SLC22A23: variants seen among roughly 807,000 people sequenced by gnomAD.
The protein encoded by SLC22A23 is ion transporter protein.
Under a neutral mutation model 61.0 loss-of-function variants are expected in SLC22A23, and 26 were observed. That is an observed-to-expected ratio of 0.43 (90% CI 0.31 to 0.59). SLC22A23 has a LOEUF of 0.59. SLC22A23 is among the 20% of genes least tolerant of loss of function. The probability of loss-of-function intolerance (pLI) is 0.11; values close to 1 mark genes in which losing one functional copy is unlikely to be tolerated. For missense variants in SLC22A23, 796 were observed against 934.7 expected, an observed-to-expected ratio of 0.85 and a Z score of 1.94; for synonymous variants, 430 against 413.9, an observed-to-expected ratio of 1.04 and a Z score of -0.47.
In SLC22A23 at chr6:3,312,797, C is replaced by G. The variant is rs549261969; in HGVS notation, c.1082+11037G>C. The G allele has an allele frequency of 7.2e-5, 11 of 152,502 alleles. No individual in the cohort carries two copies. In the East Asian group the frequency reaches 2.1e-3, roughly 29 times the overall value. 9.4% of individuals were successfully genotyped at this position (152,502 alleles called of 1,614,324 possible). On this transcript the variant is annotated intron_variant, in intron 4 of 9. Coordinates refer to ENST00000406686, the MANE Select transcript of SLC22A23 (RefSeq NM_015482.2). ...TCACTTGGTCTCTGTCGGTTGCCAACAGCCCAGCCCACCACCCCACAAAGT... is the reference window on the plus strand; with the variant it reads ...TCACTTGGTCTCTGTCGGTTGCCAAGAGCCCAGCCCACCACCCCACAAAGT...
intron 3 of SLC22A23, among the ~76,000 whole-genome samples, chr6:3,345,844 C>T (rs1374712476): frequency 2.6e-5 from 4 of 152,202 alleles, no homozygotes; most frequent in Non-Finnish European, 5.9e-5. Context: ...AACTGGCCTA[C>T]CTGCTGCTAA....
chr6:3,426,233 G>A, intron 1 of SLC22A23, among the ~76,000 whole-genome samples: 1 of 152,192 alleles, frequency 6.6e-6, no homozygotes, highest in East Asian at 1.9e-4. Context: ...GAGGTGAAGT[G>A]ACTCATTCAG....
In SLC22A23 at chr6:3,309,901, A is replaced by G. The variant is rs964296842; in HGVS notation, c.1083-11683T>C. Among the ~76,000 whole-genome samples, 2 of 152,160 alleles carry G rather than the reference A, an allele frequency of 1.3e-5. No homozygotes were observed. Among genetic ancestry groups the G allele is most frequent in the Admixed American group, 6.5e-5 (1 of 15,282 alleles). On this transcript the variant is annotated intron_variant, in intron 4 of 9. Coordinates refer to ENST00000406686, the MANE Select transcript of SLC22A23 (RefSeq NM_015482.2). This position sits in a 1 kb window ranked among gnomAD's most constrained non-coding sequence, Gnocchi z 4.7. Reference sequence around the variant, plus strand: ...TAATACCCTGCCTGGGGCTTCATGAATGGCAGAGGCAGGCCTGGAACCTGG... The same window carrying G: ...TAATACCCTGCCTGGGGCTTCATGAGTGGCAGAGGCAGGCCTGGAACCTGG...
At chr6:3,315,463 A>G (rs1762583783) in intron 4 of SLC22A23, among the ~76,000 whole-genome samples, 1 of 152,196 alleles carries the variant, frequency 6.6e-6, no homozygotes, top group African/African-American at 2.4e-5. Flanking sequence ...TGGTCAAGCT[A>G]TCTGTTCACA....
intron 3 of SLC22A23, among the ~76,000 whole-genome samples, chr6:3,358,638 G>A (rs1183189148): frequency 3.9e-5 from 6 of 152,136 alleles, no homozygotes; most frequent in African/African-American, 1.2e-4. Flanking sequence ...AATAAGCTCT[G>A]GAACTCTGCT....
In SLC22A23 at chr6:3,387,631, G is replaced by A. The variant is rs920483520; in HGVS notation, c.913+22557C>T. On this transcript the variant is annotated intron_variant, in intron 3 of 9. Transcript: ENST00000406686. This position sits in a 1 kb window ranked among gnomAD's most constrained non-coding sequence, Gnocchi z 5.0. Reference sequence around the variant, plus strand: ...CGTGGTTATGTGAGTTCACGTTAGCGGAAGGCGGGTGAGTGAAGGGCTTAC... The same window carrying A: ...CGTGGTTATGTGAGTTCACGTTAGCAGAAGGCGGGTGAGTGAAGGGCTTAC... 1.3e-5 allele frequency among the ~76,000 whole-genome samples: 2 copies of A among 152,216 alleles called. No individual in the cohort carries two copies. Among genetic ancestry groups the A allele is most frequent in the South Asian group, 2.1e-4 (1 of 4,826 alleles).
Position 3,456,370 on chromosome 6 carries a change from G to C in SLC22A23, c.190C>G (p.Pro64Ala). 1 of 1,542,438 alleles carries C rather than the reference G, an allele frequency of 6.5e-7. No individual in the cohort carries two copies. Among genetic ancestry groups the C allele is most frequent in the South Asian group, 1.2e-5 (1 of 83,918 alleles). The change falls in exon 1 of 10, where the codon CCG becomes GCG. Residue 64 changes from proline (P) to alanine (A), a missense_variant. Physicochemically the swap from Pro to Ala is conservative, Grantham distance 27. Coordinates refer to ENST00000406686, the MANE Select transcript of SLC22A23 (RefSeq NM_015482.2). This position sits in a 1 kb window ranked among gnomAD's most constrained non-coding sequence, Gnocchi z 7.1. ...PPLHPGGGPH[P>A]SCCSAAAAPS... ...GCCGCAGCCGCGGAGCAGCAGCTCG[G>C]GTGCGGGCCGCCTCCAGGATGCAGT...
In SLC22A23 at chr6:3,386,761, C is replaced by G. The variant is rs78196443; in HGVS notation, c.913+23427G>C. Among the ~76,000 whole-genome samples the G allele has an allele frequency of 3.4e-3, 522 of 152,316 alleles. 3 individuals carry two copies. Among genetic ancestry groups the G allele is most frequent in the Admixed American group, 4.6e-3 (70 of 15,310 alleles). On this transcript the variant is annotated intron_variant, in intron 3 of 9. Coordinates refer to ENST00000406686, the MANE Select transcript of SLC22A23 (RefSeq NM_015482.2). This position sits in a 1 kb window ranked among gnomAD's most constrained non-coding sequence, Gnocchi z 4.4. ...GCGGCAGTGGGACTGGGTCTCCCAC[C>G]CAGGGCACCACTGGAAGGACATCTG...
intron 1 of SLC22A23, among the ~76,000 whole-genome samples, chr6:3,451,617 C>T (rs551737224): frequency 6.6e-6 from 1 of 152,288 alleles, no homozygotes; most frequent in South Asian, 2.1e-4. Flanking sequence ...TTGGGCTGCG[C>T]AGGGAATGCT....
chr6:3,293,498 T>A (rs969015801), intron 5 of SLC22A23, among the ~76,000 whole-genome samples: 1 of 151,320 alleles, frequency 6.6e-6, no homozygotes, highest in African/African-American at 2.4e-5. Flanking sequence ...TCCACAGGAG[T>A]CTTATCACGA....
At chr6:3,389,935 C>T (rs1767560960) in intron 3 of SLC22A23, among the ~76,000 whole-genome samples, 1 of 152,160 alleles carries the variant, frequency 6.6e-6, no homozygotes, top group African/African-American at 2.4e-5. Context: ...TGGCTAACTT[C>T]GCAAAGCTGA....
intron 4 of SLC22A23, among the ~76,000 whole-genome samples, chr6:3,310,429 C>G (rs62392935): frequency 6.4e-5 from 9 of 140,876 alleles, no homozygotes; most frequent in Non-Finnish European, 9.2e-5. Flanking sequence ...GTCTCCCACT[C>G]GAGCACCCTG....
At chr6:3,355,917 C>A (rs997551577) in intron 3 of SLC22A23, among the ~76,000 whole-genome samples, 14 of 146,932 alleles carry the variant, frequency 9.5e-5, no homozygotes, top group Non-Finnish European at 4.5e-5. Flanking sequence ...AAAACAAACA[C>A]AGTACGACAG....
chr6:3,293,657 G>A (rs1317362665), intron 5 of SLC22A23, among the ~76,000 whole-genome samples: 1 of 152,250 alleles, frequency 6.6e-6, no homozygotes, highest in East Asian at 1.9e-4. Context: ...GCGGTCGCCT[G>A]TGGAGTGAGG....
chr6:3,271,278 CCAGA>C lies in SLC22A23; in HGVS notation c.*1773_*1776del, dbSNP rs892976753. The C allele has an allele frequency of 1.7e-4, 26 of 152,228 alleles. No homozygotes were observed. The highest frequency in any genetic ancestry group is 5.8e-4 in the African/African-American group (24 of 41,442). The allele number at this position is 152,228 out of a possible 1,614,324, so 9.4% of individuals were successfully genotyped here. Reference sequence around the variant, plus strand: ...GCAAGTGGAGGCAGGGAGAGGCTGGCCAGACAGCCTCCCTTCCTGGGTATCTCAA... The same window carrying C: ...GCAAGTGGAGGCAGGGAGAGGCTGGCCAGCCTCCCTTCCTGGGTATCTCAA... On this transcript the variant is annotated 3_prime_UTR_variant, in exon 10 of 10. Coordinates refer to ENST00000406686, the MANE Select transcript of SLC22A23 (RefSeq NM_015482.2).
intron 9 of SLC22A23, among the ~76,000 whole-genome samples, chr6:3,283,159 C>A (rs181859117): frequency 5.9e-5 from 9 of 152,166 alleles, no homozygotes; most frequent in Non-Finnish European, 1.3e-4. Context: ...TGGCCTGGCA[C>A]GGTGGTTCAC....
At chr6:3,290,114 AG>A in intron 5 of SLC22A23, 1 of 553,782 alleles carries the variant, frequency 1.8e-6, no homozygotes, top group East Asian at 3.1e-5. Flanking sequence ...CACCGTCAGC[AG>A]AAGTTTCCAT....
intron 1 of SLC22A23, among the ~76,000 whole-genome samples, chr6:3,438,260 T>G (rs917249682): frequency 2.0e-5 from 3 of 152,190 alleles, no homozygotes; most frequent in Non-Finnish European, 2.9e-5. Context: ...GCAGGACCCA[T>G]CCTGCTGGGG....
chr6:3,388,149 G>A lies in SLC22A23; in HGVS notation c.913+22039C>T, dbSNP rs150856711. Among the ~76,000 whole-genome samples, 710 of 152,294 alleles carry A rather than the reference G, an allele frequency of 4.7e-3. 3 individuals are homozygous for A. Among genetic ancestry groups the A allele is most frequent in the African/African-American group, 0.016 (655 of 41,538 alleles). ...AAGCCCGCCACAGAAACACAGAAGG[G>A]GGTTCATTCAACAAAGAACGAAGGA... On this transcript the variant is annotated intron_variant, in intron 3 of 9. Coordinates refer to ENST00000406686, the MANE Select transcript of SLC22A23 (RefSeq NM_015482.2).
Sources: gnomAD v4.1 joint callset for allele counts (sites outside exome capture counted in the v4.1 genomes callset) on GRCh38, gnomAD v4.1.1 for gene constraint, Gnocchi (gnomAD v3.1) non-coding constraint, MANE v1.5 for transcripts, NCBI Gene and HGNC (gene_info 2026-07-23, HGNC 2026-07-21) for gene names.